Variants in MRPS27 observed in about 807,000 individuals in gnomAD.
MRPS27 encodes mitochondrial ribosomal protein S27, also known as small ribosomal subunit protein mS27.
Under a neutral mutation model 48.9 loss-of-function variants are expected in MRPS27, and 43 were observed. The observed-to-expected ratio is 0.88, with a 90% CI of 0.69 to 1.13. MRPS27 has a LOEUF of 1.13. MRPS27 is among the 50% of genes most tolerant of loss of function. The pLI is 0.00. For missense variants in MRPS27, 467 were observed against 476.3 expected, an observed-to-expected ratio of 0.98 and a Z score of 0.18; for synonymous variants, 188 against 171.9, an observed-to-expected ratio of 1.09 and a Z score of -0.73.
chr5:72,251,750 CAGA>C (rs749966131), intron 4 of MRPS27, among the ~76,000 whole-genome samples: 6 of 152,138 alleles, frequency 3.9e-5, no homozygotes, highest in African/African-American at 1.4e-4. Flanking sequence ...GGCAAGAGCT[CAGA>C]AGAAGAAAGT....
chr5:72,221,296 A>T (rs1449983963), intron 10 of MRPS27, 148 bp from the exon 11 acceptor site: 2 of 1,012,134 alleles, frequency 2.0e-6, no homozygotes, highest in Non-Finnish European at 2.9e-6. Flanking sequence ...GTGGCCCAGA[A>T]TGAAGTCACC....
intron 4 of MRPS27, among the ~76,000 whole-genome samples, chr5:72,246,196 A>C (rs1359589659): frequency 6.6e-6 from 1 of 152,210 alleles, no homozygotes; most frequent in Non-Finnish European, 1.5e-5. Context: ...GCTGAAATTC[A>C]TGAGGATTAT....
At chr5:72,316,143 A>T (rs1288762788) in intron 1 of MRPS27, among the ~76,000 whole-genome samples, 2 of 152,238 alleles carry the variant, frequency 1.3e-5, no homozygotes, top group African/African-American at 4.8e-5. Flanking sequence ...TGATTCCATT[A>T]TATGAGCAAT....
At chr5:72,248,613 G>T (rs548799956) in intron 4 of MRPS27, among the ~76,000 whole-genome samples, 1 of 147,772 alleles carries the variant, frequency 6.8e-6, no homozygotes, top group South Asian at 2.1e-4. Context: ...AGGAGAGAGG[G>T]CTCCTTGGCA....
chr5:72,301,373 A>C (rs1050215875), intron 2 of MRPS27, among the ~76,000 whole-genome samples: 6 of 152,204 alleles, frequency 3.9e-5, no homozygotes, highest in African/African-American at 9.7e-5. Flanking sequence ...ACAGATGTTA[A>C]ATGTCTCTCT....
In MRPS27 at chr5:72,297,641, T is replaced by C. The variant is rs1750014852; in HGVS notation, c.213A>G (p.Thr71=). 1 of 1,589,802 alleles carries C rather than the reference T, an allele frequency of 6.3e-7. No individual in the cohort carries two copies. ...FERKLPVSSL[T]ISRLIDNISS... ...GTTAAAATTTTCTTACCCGTGATAT[T>C]GTTAAAGAACTAACAGGCAACTTTC... The change falls in exon 3 of 11, where the codon ACA becomes ACG. Residue 71 remains threonine, a synonymous_variant. Transcript: ENST00000261413.
chr5:72,302,664 A>T (rs2112073682), intron 2 of MRPS27, among the ~76,000 whole-genome samples: 1 of 152,360 alleles, frequency 6.6e-6, no homozygotes. Context: ...GGAAACATGA[A>T]CTTGGAGTGT....
chr5:72,264,148 A>G (rs1314051699), intron 4 of MRPS27, among the ~76,000 whole-genome samples: 2 of 152,364 alleles, frequency 1.3e-5, no homozygotes, highest in African/African-American at 2.4e-5. Context: ...ACAAAGGTCT[A>G]TATTGTATGA....
rs1747686007 is a variant in MRPS27, at chr5:72,219,601, T to C, written c.*1308A>G. ...CTTGAATAAAATTACACCACTGTACTTAAGGGCAACACTACATAGTAAGCA... is the reference window on the plus strand; with the variant it reads ...CTTGAATAAAATTACACCACTGTACCTAAGGGCAACACTACATAGTAAGCA... On this transcript the variant is annotated 3_prime_UTR_variant, in exon 11 of 11. Coordinates refer to ENST00000261413, the MANE Select transcript of MRPS27 (RefSeq NM_015084.3). 6.6e-6 allele frequency: 1 copy of C among 152,226 alleles called. No individual in the cohort carries two copies. The highest frequency in any genetic ancestry group is 2.4e-5 in the African/African-American group (1 of 41,468). 9.4% of individuals were successfully genotyped at this position (152,226 alleles called of 1,614,324 possible).
At chr5:72,286,698 T>C (rs1050524490) in intron 4 of MRPS27, among the ~76,000 whole-genome samples, 1 of 152,222 alleles carries the variant, frequency 6.6e-6, no homozygotes, top group Admixed American at 6.5e-5. Flanking sequence ...AGTCTTTTTA[T>C]GCCCACTGAA....
chr5:72,306,472 A>ATCT (rs1750272405), intron 2 of MRPS27, among the ~76,000 whole-genome samples: 1 of 152,222 alleles, frequency 6.6e-6, no homozygotes, highest in African/African-American at 2.4e-5. Flanking sequence ...AAGGCAGAGG[A>ATCT]GCACGCTAAA....
chr5:72,251,255 T>C (rs1191597270), intron 4 of MRPS27, among the ~76,000 whole-genome samples: 1 of 152,192 alleles, frequency 6.6e-6, no homozygotes, highest in East Asian at 1.9e-4. Flanking sequence ...AAGAATCCTT[T>C]GCCCTCTCAT....
At chr5:72,293,283 C>A (rs1749880108) in intron 4 of MRPS27, among the ~76,000 whole-genome samples, 1 of 149,012 alleles carries the variant, frequency 6.7e-6, no homozygotes. Flanking sequence ...GTCATAAAAA[C>A]ATTTCTGTCT....
intron 4 of MRPS27, among the ~76,000 whole-genome samples, chr5:72,263,727 G>C (rs2112005944): frequency 6.6e-6 from 1 of 151,998 alleles, no homozygotes; most frequent in African/African-American, 2.4e-5. Context: ...CCAATTAGGA[G>C]AGCTATGACT....
intron 4 of MRPS27, among the ~76,000 whole-genome samples, chr5:72,255,589 C>G (rs974921239): frequency 1.3e-5 from 2 of 152,176 alleles, no homozygotes; most frequent in Non-Finnish European, 2.9e-5. Flanking sequence ...AGCACTTCAT[C>G]ATTTTTTGAA....
chr5:72,265,612 C>T (rs766359662), intron 4 of MRPS27, among the ~76,000 whole-genome samples: 4 of 152,112 alleles, frequency 2.6e-5, no homozygotes, highest in East Asian at 1.9e-4. Flanking sequence ...GTGGTGGGAG[C>T]GTTCTTTACT....
chr5:72,261,107 G>A (rs959520628), intron 4 of MRPS27, among the ~76,000 whole-genome samples: 2 of 152,066 alleles, frequency 1.3e-5, no homozygotes, highest in South Asian at 2.1e-4. Context: ...CAAGTGATCC[G>A]CCCACCTTGG....
At chr5:72,309,460 C>T (rs912556216) in intron 2 of MRPS27, among the ~76,000 whole-genome samples, 5 of 152,082 alleles carry the variant, frequency 3.3e-5, no homozygotes, top group Non-Finnish European at 7.4e-5. Flanking sequence ...GGCGGGGTTT[C>T]ACCATGTTGT....
intron 8 of MRPS27, 171 bp from the exon 9 acceptor site, chr5:72,226,370 T>C: frequency 1.5e-6 from 1 of 676,220 alleles, no homozygotes; most frequent in Non-Finnish European, 2.4e-6. Flanking sequence ...TTCAGATGGA[T>C]AATGACGAAT....
Sources: allele counts gnomAD v4.1 joint callset (sites outside exome capture counted in the v4.1 genomes callset), GRCh38; gene constraint gnomAD v4.1.1; transcripts MANE v1.5; gene names NCBI Gene and HGNC (gene_info 2026-07-23, HGNC 2026-07-21).